Variants in RHOF observed in about 807,000 individuals in gnomAD.
The protein encoded by RHOF is rho-related GTP-binding protein RhoF.
In RHOF, 21 loss-of-function variants were observed where a neutral mutation model predicts 22.2. The ratio of observed to expected loss-of-function variants is 0.95; its 90% confidence interval spans 0.67 to 1.36. RHOF has a LOEUF of 1.36. Ranked by LOEUF, RHOF falls within the 40% of genes most tolerant of loss-of-function variation. RHOF has a pLI of 0.00. For synonymous variants in RHOF, 135 were observed against 131.2 expected (o/e 1.03, Z -0.20); for missense variants, 285 against 293.7 (o/e 0.97, Z 0.22).
chr12:121,788,878 G>T (rs760164356), intron 2 of RHOF, among the ~76,000 whole-genome samples: 32 of 152,152 alleles, frequency 2.1e-4, no homozygotes, highest in Admixed American at 2.1e-3. Flanking sequence ...GAAGTTAATA[G>T]CCTGGCATGG....
intron 2 of RHOF, among the ~76,000 whole-genome samples, chr12:121,784,029 C>T (rs1874545234): frequency 6.6e-6 from 1 of 152,188 alleles, no homozygotes; most frequent in Non-Finnish European, 1.5e-5. Flanking sequence ...ACCCACCAAG[C>T]TCTCATGTCC....
chr12:121,780,618 T>C, intron 4 of RHOF: 1 of 563,480 alleles, frequency 1.8e-6, no homozygotes, highest in Non-Finnish European at 3.1e-6. Context: ...CTGCTTAACC[T>C]CTCTGGGCCT....
chr12:121,786,028 C>T (rs969875730), intron 2 of RHOF, among the ~76,000 whole-genome samples: 7 of 152,028 alleles, frequency 4.6e-5, no homozygotes, highest in Non-Finnish European at 8.8e-5. Flanking sequence ...CATTCTTCTG[C>T]TTCAAGCCTC....
rs12312375 is a variant in RHOF at position 121,779,030 on chromosome 12, T to C, written c.*468A>G. The stretch of plus-strand genomic sequence containing the variant: ...GGCCCAGCCCCCTCGGTGGCCTCCG[T>C]GTTCCTGGGGGAAGGAAGGAAGGAG... On this transcript the variant is annotated 3_prime_UTR_variant, in exon 5 of 5. Transcript: ENST00000267205. The C allele has an allele frequency of 0.22, 34,935 of 161,468 alleles. 4,530 individuals carry two copies. The highest frequency in any genetic ancestry group is 0.37 in the African/African-American group (15,380 of 41,630). The allele number at this position is 161,468 out of a possible 1,614,324, so 10.0% of individuals were successfully genotyped here.
At chr12:121,785,014 G>T (rs893821642) in intron 2 of RHOF, among the ~76,000 whole-genome samples, 1 of 144,050 alleles carries the variant, frequency 6.9e-6, no homozygotes, top group African/African-American at 2.7e-5. Flanking sequence ...CACAGTAAGA[G>T]ATTAACAACA....
chr12:121,792,448 G>T (rs140616857), intron 2 of RHOF, among the ~76,000 whole-genome samples: 2 of 152,186 alleles, frequency 1.3e-5, no homozygotes, highest in Non-Finnish European at 2.9e-5. Context: ...TAAACCACCC[G>T]TGGGGGCCTG....
Position 121,793,624 on chromosome 12 carries a change from G to C in RHOF, c.10C>G (p.Pro4Ala), listed in dbSNP as rs1232264918. ...GCGGCGGTCTGGGCCAGGGCCCCGG[G>C]GGCATCCATTGCCCGGAGCCCGCAG... MDA[P>A]GALAQTAAPG... is the part of the protein sequence containing the mutation. Residue 4 changes from proline (P) to alanine (A), a missense_variant, in exon 1 of 5, where the codon CCC (proline) becomes GCC (alanine). Coordinates refer to ENST00000267205, the MANE Select transcript of RHOF (RefSeq NM_019034.3). 1.3e-6 allele frequency: 2 copies of C among 1,542,754 alleles called. No homozygotes were observed. The highest frequency in any genetic ancestry group is 1.7e-6 in the Non-Finnish European group (2 of 1,150,544).
chr12:121,781,783 G>A (rs891916314), intron 2 of RHOF: 2 of 153,802 alleles, frequency 1.3e-5, no homozygotes, highest in African/African-American at 4.8e-5. Flanking sequence ...AGTCAGCTGA[G>A]TTCCCTGCCT....
chr12:121,784,831 C>T (rs1027294036), intron 2 of RHOF, among the ~76,000 whole-genome samples: 4 of 152,216 alleles, frequency 2.6e-5, no homozygotes, highest in African/African-American at 9.6e-5. Context: ...TCTGGCATAA[C>T]TTATTCCCTT....
At chr12:121,786,054 T>C (rs980432519) in intron 2 of RHOF, among the ~76,000 whole-genome samples, 59 of 151,234 alleles carry the variant, frequency 3.9e-4, no homozygotes, top group Non-Finnish European at 6.9e-4. Flanking sequence ...TAGCTGGGAC[T>C]ACAGGCGCCC....
chr12:121,789,069 A>G (rs1384742037), intron 2 of RHOF, among the ~76,000 whole-genome samples: 1 of 152,160 alleles, frequency 6.6e-6, no homozygotes, highest in Non-Finnish European at 1.5e-5. Context: ...TTAGAGGTTA[A>G]AACAGCCCAG....
At position 121,779,259 on chromosome 12, in the gene RHOF, G is replaced by A. The variant is rs545565870; in HGVS notation, c.*239C>T. 15 of 560,376 alleles carry A rather than the reference G, an allele frequency of 2.7e-5. No individual in the cohort carries two copies. The highest frequency in any genetic ancestry group is 8.8e-5 in the South Asian group (4 of 45,612). The allele number at this position is 560,376 out of a possible 1,614,324, so 34.7% of individuals were successfully genotyped here. A position where few individuals can be genotyped will look rare whatever the true frequency, so the allele number is the denominator to read the frequency against. ...TGTGATGAGGGCACTTGCGAGTCCC[G>A]ACAACAGACACTGGCTCCTGCACCC... On this transcript the variant is annotated 3_prime_UTR_variant, in exon 5 of 5. Coordinates refer to ENST00000267205, the MANE Select transcript of RHOF (RefSeq NM_019034.3).
rs1874329886 is a variant in RHOF, at chr12:121,778,682, G to A, written c.*816C>T. On this transcript the variant is annotated 3_prime_UTR_variant, in exon 5 of 5. Transcript: ENST00000267205. ...GCGGGGCTTGAGGGACAGCAGGTTG[G>A]GAGCTTGAGGACTAAGTGGGCCAGT... 1 of 152,170 alleles carries A rather than the reference G, an allele frequency of 6.6e-6. No individual in the cohort carries two copies. The highest frequency in any genetic ancestry group is 2.1e-4 in the South Asian group (1 of 4,832). The allele number at this position is 152,170 out of a possible 1,614,324, so 9.4% of individuals were successfully genotyped here. A position where few individuals can be genotyped will look rare whatever the true frequency, so the allele number is the denominator to read the frequency against.
At chr12:121,781,279 C>G (rs2137486995) in intron 2 of RHOF, 87 bp from the exon 3 acceptor site, 12 of 1,240,596 alleles carry the variant, frequency 9.7e-6, no homozygotes, top group Non-Finnish European at 1.4e-5. Flanking sequence ...AGGCAAGTGA[C>G]CCTGCCTTAG....
intron 2 of RHOF, chr12:121,781,468 C>T (rs891759449): frequency 1.0e-5 from 4 of 389,636 alleles, no homozygotes; most frequent in Non-Finnish European, 1.9e-5. Flanking sequence ...GAGACCCTGT[C>T]TCTTAACAAC....
chr12:121,793,314 C>T (rs1379379573), intron 1 of RHOF, 75 bp from the exon 2 acceptor site: 3 of 1,453,160 alleles, frequency 2.1e-6, no homozygotes, highest in Non-Finnish European at 1.9e-6. Context: ...CCACTGTCCA[C>T]CCCCCTCACT....
rs1056011524 is a variant in RHOF, at chr12:121,793,589, C to T, written c.45G>A (p.Pro15=). The T allele has an allele frequency of 5.8e-6, 9 of 1,552,656 alleles. No individual in the cohort carries two copies. The highest frequency in any genetic ancestry group is 1.4e-5 in the African/African-American group (1 of 73,648). ...GALAQTAAPG[P]GRKELKIVIV... ...TCACGATCTTCAGCTCCTTCCTGCC[C>T]GGACCGGGGGCGGCGGTCTGGGCCA... The change falls in exon 1 of 5, where the codon CCG becomes CCA. Residue 15 remains proline, a synonymous_variant. Transcript: ENST00000267205.
chr12:121,790,468 C>T (rs566360663), intron 2 of RHOF, among the ~76,000 whole-genome samples: 1 of 152,382 alleles, frequency 6.6e-6, no homozygotes, highest in Admixed American at 6.5e-5. Flanking sequence ...CACCTGCAGG[C>T]CGAGATGAAT....
At chr12:121,779,724 G>C in intron 4 of RHOF, 62 bp from the exon 5 acceptor site, 1 of 1,577,808 alleles carries the variant, frequency 6.3e-7, no homozygotes, top group South Asian at 1.1e-5. Context: ...AGCACCACCT[G>C]GTGGGTTTGG....
Sources: allele counts gnomAD v4.1 joint callset (sites outside exome capture counted in the v4.1 genomes callset), GRCh38; gene constraint gnomAD v4.1.1; transcripts MANE v1.5; gene names NCBI Gene and HGNC (gene_info 2026-07-23, HGNC 2026-07-21).